Variants in KPNA1 observed in about 807,000 individuals in gnomAD.
KPNA1 encodes the protein importin subunit alpha-5.
In KPNA1, 10 loss-of-function variants were observed where a neutral mutation model predicts 70.5. The observed-to-expected ratio is 0.14, with a 90% CI of 0.09 to 0.24. The LOEUF (loss-of-function observed/expected upper bound fraction) is 0.24. KPNA1 is among the 10% of genes least tolerant of loss of function. The pLI, the probability that KPNA1 is intolerant of heterozygous loss-of-function variation, is 1.00. For synonymous variants in KPNA1, 192 were observed against 221.9 expected, an observed-to-expected ratio of 0.87 and a Z score of 1.20; for missense variants, 397 against 637.9, an observed-to-expected ratio of 0.62 and a Z score of 4.07.
chr3:122,488,239 G>A (rs2076652897), intron 2 of KPNA1, among the ~76,000 whole-genome samples: 1 of 152,112 alleles, frequency 6.6e-6, no homozygotes, highest in Non-Finnish European at 1.5e-5. Flanking sequence ...CTTTATCCGG[G>A]ACTGGGCACA....
chr3:122,514,778 CG>C lies in KPNA1; in HGVS notation c.-28del, dbSNP rs1490627729. On this transcript the variant is annotated 5_prime_UTR_variant, in exon 1 of 14. Coordinates refer to ENST00000344337, the MANE Select transcript of KPNA1 (RefSeq NM_002264.4). ...TCACCAGGCTCAAGGCAACCGATCC[CG>C]GTGCCACCGCTGAAGTTAGCCCCTC... 6.6e-6 allele frequency: 1 copy of C among 152,342 alleles called. No homozygotes were observed. The highest frequency in any genetic ancestry group is 1.5e-5 in the Non-Finnish European group (1 of 68,318). The allele number at this position is 152,342 out of a possible 1,614,324, so 9.4% of individuals were successfully genotyped here.
At chr3:122,452,182 A>T in intron 6 of KPNA1, 118 bp from the exon 7 acceptor site, 1 of 755,726 alleles carries the variant, frequency 1.3e-6, no homozygotes, top group South Asian at 1.5e-5. Flanking sequence ...CAGTTGTAGG[A>T]TTGGGGGAGG....
chr3:122,463,903 G>A (rs748256742), intron 4 of KPNA1, 39 bp downstream of exon 4: 1 of 1,114,444 alleles, frequency 9.0e-7, no homozygotes, highest in Admixed American at 2.0e-5. Context: ...TAATTTTGTA[G>A]AGAGATGAAA....
chr3:122,478,704 G>A (rs138658490), intron 2 of KPNA1, among the ~76,000 whole-genome samples: 14 of 149,704 alleles, frequency 9.4e-5, no homozygotes, highest in African/African-American at 2.2e-4. Context: ...CTCCAGCCTC[G>A]GCTACACAGC....
chr3:122,452,706 A>T (rs1489724407), intron 6 of KPNA1, among the ~76,000 whole-genome samples: 1 of 96,974 alleles, frequency 1.0e-5, no homozygotes, highest in African/African-American at 4.2e-5. Flanking sequence ...AGAGACGGAG[A>T]GACGGAGGGA....
Position 122,442,173 on chromosome 3 carries a change from T to C in KPNA1, c.918-57A>G. The C allele has an allele frequency of 2.2e-6, 3 of 1,371,496 alleles. No homozygotes were observed. The Admixed American group carries it at 5.7e-5, about 26-fold the overall frequency. The allele number at this position is 1,371,496 out of a possible 1,614,324, so 85.0% of individuals were successfully genotyped here. ...CAGTTCTATCCTTAGTTTCATTTCC[T>C]TCCAAGACCAAAATTAAAAAACAAA... is the stretch of plus-strand genomic sequence containing the variant. On this transcript the variant is annotated intron_variant, in intron 9 of 13. Coordinates refer to ENST00000344337, the MANE Select transcript of KPNA1 (RefSeq NM_002264.4).
chr3:122,482,173 T>C (rs1216364093), intron 2 of KPNA1, among the ~76,000 whole-genome samples: 1 of 152,272 alleles, frequency 6.6e-6, no homozygotes, highest in Non-Finnish European at 1.5e-5. Flanking sequence ...CGATATGATA[T>C]GCCCTATTGC....
At chr3:122,441,905 A>G (rs1646404606) in intron 10 of KPNA1, 133 bp downstream of exon 10, 1 of 779,854 alleles carries the variant, frequency 1.3e-6, no homozygotes, top group African/African-American at 1.7e-5. Flanking sequence ...CCGGCCCAAC[A>G]TTTTTAAACA....
chr3:122,496,370 G>T (rs2076761925), intron 2 of KPNA1, 67 bp downstream of exon 2: 2 of 1,324,336 alleles, frequency 1.5e-6, no homozygotes, highest in Non-Finnish European at 1.1e-6. Context: ...CTAAAATGAA[G>T]ATAGTTTCAG....
rs1052282436 is a variant in KPNA1, at chr3:122,425,992, A to G, written c.*993T>C. 5 of 152,578 alleles carry G rather than the reference A, an allele frequency of 3.3e-5. No individual in the cohort carries two copies. The highest frequency in any genetic ancestry group is 6.5e-5 in the Admixed American group (1 of 15,274). The allele number at this position is 152,578 out of a possible 1,614,324, so 9.5% of individuals were successfully genotyped here. A position where few individuals can be genotyped will look rare whatever the true frequency, so the allele number is the denominator to read the frequency against. On this transcript the variant is annotated 3_prime_UTR_variant, in exon 14 of 14. Transcript: ENST00000344337. The stretch of plus-strand genomic sequence containing the variant: ...GGAAAAGCACCTAGGGTGAACTCCA[A>G]TTTTTTAATGAGGACCTTGATCAGG...
chr3:122,484,709 T>C (rs1198550941), intron 2 of KPNA1, among the ~76,000 whole-genome samples: 1 of 151,270 alleles, frequency 6.6e-6, no homozygotes, highest in Non-Finnish European at 1.5e-5. Flanking sequence ...GAAAGAAAGA[T>C]GACATAAATA....
chr3:122,491,702 G>T (rs2076699789), intron 2 of KPNA1, among the ~76,000 whole-genome samples: 2 of 152,214 alleles, frequency 1.3e-5, no homozygotes, highest in African/African-American at 4.8e-5. Flanking sequence ...TCTTTAAAAT[G>T]ACATTAAATG....
At position 122,475,614 on chromosome 3, in the gene KPNA1, A is replaced by T. The variant is rs1186219120; in HGVS notation, c.130-8185T>A. 2.0e-5 allele frequency among the ~76,000 whole-genome samples: 3 copies of T among 152,166 alleles called. No homozygotes were observed. The East Asian group carries it at 5.8e-4, about 29-fold the overall frequency. ...GATTTCAAAATACAATTGACCCTTA[A>T]ATGACACAGGCGTTAGGGAAGCCAA... On this transcript the variant is annotated intron_variant, in intron 2 of 13. Coordinates refer to ENST00000344337, the MANE Select transcript of KPNA1 (RefSeq NM_002264.4).
At chr3:122,483,008 G>A (rs2076588838) in intron 2 of KPNA1, 1 of 152,834 alleles carries the variant, frequency 6.5e-6, no homozygotes. Context: ...CAGCTCAGCT[G>A]AAGGGATAGT....
intron 8 of KPNA1, 38 bp downstream of exon 8, chr3:122,451,496 T>C (rs546159240): frequency 1.7e-6 from 2 of 1,162,302 alleles, no homozygotes; most frequent in African/African-American, 3.1e-5. Context: ...CTTTTAATTG[T>C]ATTTTTTCTG....
At chr3:122,500,433 C>T (rs1253570424) in intron 1 of KPNA1, among the ~76,000 whole-genome samples, 2 of 152,018 alleles carry the variant, frequency 1.3e-5, no homozygotes, top group African/African-American at 4.8e-5. Flanking sequence ...CAACTGTTAA[C>T]AGTATTTCTT....
intron 2 of KPNA1, among the ~76,000 whole-genome samples, chr3:122,488,174 A>G (rs2076651945): frequency 6.6e-6 from 1 of 152,212 alleles, no homozygotes. Context: ...GAAGACTGCT[A>G]AAATTTGAGG....
At chr3:122,513,926 T>G (rs2076984701) in intron 1 of KPNA1, among the ~76,000 whole-genome samples, 1 of 152,158 alleles carries the variant, frequency 6.6e-6, no homozygotes. Context: ...AACTCGGCAA[T>G]CGTTTGTTCT....
At chr3:122,431,932 T>C (rs541360454) in intron 12 of KPNA1, among the ~76,000 whole-genome samples, 1 of 152,072 alleles carries the variant, frequency 6.6e-6, no homozygotes, top group South Asian at 2.1e-4. Flanking sequence ...GCCCCACAAG[T>C]AGCTGGGATT....
Sources: gnomAD v4.1 joint callset for allele counts (sites outside exome capture counted in the v4.1 genomes callset) on GRCh38, gnomAD v4.1.1 for gene constraint, MANE v1.5 for transcripts, NCBI Gene and HGNC (gene_info 2026-07-23, HGNC 2026-07-21) for gene names.